GRID2: variants seen among roughly 807,000 people sequenced by gnomAD.
GRID2 encodes glutamate ionotropic receptor delta type subunit 2, also known as glutamate receptor ionotropic, delta-2.
In GRID2, 33 loss-of-function variants were observed where a neutral mutation model predicts 114.8. The observed-to-expected ratio is 0.29, with a 90% CI of 0.22 to 0.38. GRID2 has a LOEUF of 0.38. GRID2 is among the 10% of genes least tolerant of loss of function. The probability of loss-of-function intolerance (pLI) is 1.00; values close to 1 mark genes in which losing one functional copy is unlikely to be tolerated. For missense variants in GRID2, 1,184 were observed against 1,257.7 expected (o/e 0.94, Z 0.89); for synonymous variants, 505 against 449.9 (o/e 1.12, Z -1.55).
intron 2 of GRID2, among the ~76,000 whole-genome samples, chr4:92,917,409 G>C (rs1748897759): frequency 2.0e-5 from 3 of 152,080 alleles, no homozygotes; most frequent in Admixed American, 2.0e-4. Flanking sequence ...CATTGCTTTT[G>C]GTGTTCTAGA....
chr4:93,395,871 G>A (rs1223007170), intron 9 of GRID2, among the ~76,000 whole-genome samples, 163 bp downstream of exon 9: 2 of 151,666 alleles, frequency 1.3e-5, no homozygotes, highest in African/African-American at 4.8e-5. Flanking sequence ...TTCAATTTAC[G>A]TGGATCAGGA....
intron 10 of GRID2, among the ~76,000 whole-genome samples, chr4:93,427,586 G>C (rs1768978840): frequency 6.6e-6 from 1 of 151,954 alleles, no homozygotes; most frequent in Non-Finnish European, 1.5e-5. Context: ...TGGAAAGTGA[G>C]CTCTGAATTC....
chr4:92,555,335 G>C (rs1212765102), intron 1 of GRID2, among the ~76,000 whole-genome samples: 1 of 152,120 alleles, frequency 6.6e-6, no homozygotes, highest in East Asian at 1.9e-4. Flanking sequence ...ACTGTGAAGG[G>C]AGAAGAACAT....
intron 2 of GRID2, among the ~76,000 whole-genome samples, chr4:92,697,318 T>G (rs1346177158): frequency 1.3e-5 from 2 of 152,122 alleles, no homozygotes; most frequent in Non-Finnish European, 2.9e-5. Flanking sequence ...TGATGATACC[T>G]TCATACAAGC....
At chr4:92,468,869 C>A (rs1446973544) in intron 1 of GRID2, among the ~76,000 whole-genome samples, 1 of 152,104 alleles carries the variant, frequency 6.6e-6, no homozygotes, top group African/African-American at 2.4e-5. Flanking sequence ...ATTTAAAAGG[C>A]TGTTGAAGTA....
At chr4:92,756,142 A>G (rs1362601411) in intron 2 of GRID2, among the ~76,000 whole-genome samples, 17 of 151,682 alleles carry the variant, frequency 1.1e-4, no homozygotes, top group Admixed American at 1.1e-3. Flanking sequence ...TCTCCTCTCT[A>G]CCTCCATGAG....
chr4:93,355,728 C>T (rs1037764976), intron 8 of GRID2, among the ~76,000 whole-genome samples: 2 of 152,040 alleles, frequency 1.3e-5, no homozygotes, highest in Non-Finnish European at 2.9e-5. Flanking sequence ...GTAATTTTAT[C>T]AGTTTAAGAA....
At chr4:92,665,319 G>A (rs62309227) in intron 2 of GRID2, among the ~76,000 whole-genome samples, 9,079 of 149,202 alleles carry the variant, frequency 0.061, 330 homozygotes, top group East Asian at 0.16. Flanking sequence ...CTCCTTGGCA[G>A]CTTAGTTTCC....
chr4:93,000,998 A>G (rs544138215), intron 2 of GRID2, among the ~76,000 whole-genome samples: 2 of 151,776 alleles, frequency 1.3e-5, no homozygotes, highest in African/African-American at 4.8e-5. Flanking sequence ...AAGTAGATAA[A>G]TAAAATAAAT....
chr4:92,921,351 T>C (rs1044189556), intron 2 of GRID2, among the ~76,000 whole-genome samples: 1 of 152,162 alleles, frequency 6.6e-6, no homozygotes, highest in Non-Finnish European at 1.5e-5. Flanking sequence ...TCTCAACTCG[T>C]CAAAGTCATT....
chr4:93,110,445 G>A (rs1732656115), intron 3 of GRID2, among the ~76,000 whole-genome samples: 1 of 152,066 alleles, frequency 6.6e-6, no homozygotes. Flanking sequence ...CTAGAGAAAT[G>A]GGGCATCTCT....
rs1032538170 is a variant in GRID2, at chr4:92,460,053, T to TATATATAC, written c.89-130077_89-130076insTATATACA. Among the ~76,000 whole-genome samples the TATATATAC allele has an allele frequency of 1.6e-4, 16 of 99,750 alleles. 1 individual carries two copies. The highest frequency in any genetic ancestry group is 5.4e-3 in the Middle Eastern group (1 of 184). 65.4% of individuals were successfully genotyped at this position (99,750 alleles called of 152,430 possible). A position where few individuals can be genotyped will look rare whatever the true frequency, so the allele number is the denominator to read the frequency against. ...CTCACTATATATATATATATATATA[T>TATATATAC]ACACACACAACTTTTTGGTTCTGTT... On this transcript the variant is annotated intron_variant, in intron 1 of 15. Transcript: ENST00000282020.
chr4:93,703,833 A>T (rs1290988281), intron 14 of GRID2, among the ~76,000 whole-genome samples: 1 of 151,880 alleles, frequency 6.6e-6, no homozygotes, highest in Non-Finnish European at 1.5e-5. Context: ...GCTCATCCTT[A>T]TTTATGGCTG....
At chr4:93,479,066 C>A (rs1273528721) in intron 11 of GRID2, among the ~76,000 whole-genome samples, 1 of 151,948 alleles carries the variant, frequency 6.6e-6, no homozygotes, top group Non-Finnish European at 1.5e-5. Flanking sequence ...CACAGTAAAG[C>A]AAATATCCCA....
At chr4:92,648,508 A>T (rs1475883815) in intron 2 of GRID2, among the ~76,000 whole-genome samples, 2 of 149,716 alleles carry the variant, frequency 1.3e-5, no homozygotes, top group African/African-American at 2.5e-5. Flanking sequence ...TGTATCGAGC[A>T]TGGCTGTTAA....
chr4:93,394,619 A>C (rs954836946), intron 8 of GRID2, among the ~76,000 whole-genome samples: 1 of 151,914 alleles, frequency 6.6e-6, no homozygotes, highest in African/African-American at 2.4e-5. Flanking sequence ...ATTTGCCCCT[A>C]TGACCATTCA....
intron 13 of GRID2, among the ~76,000 whole-genome samples, chr4:93,605,012 G>C (rs1035588420): frequency 2.6e-5 from 4 of 152,110 alleles, no homozygotes; most frequent in African/African-American, 9.7e-5. Flanking sequence ...TATCTCTGAG[G>C]TATGCCTATA....
rs368296775 is a variant in GRID2, at chr4:92,997,166, A to G, written c.245-87829A>G. 2.0e-5 allele frequency among the ~76,000 whole-genome samples: 3 copies of G among 152,188 alleles called. No homozygotes were observed. The East Asian group carries it at 5.8e-4, about 29-fold the overall frequency. ...GGTGATACAGTAGGAGTTATGTGGC[A>G]ACATTTAGGCTTAACACTACCACAA... is the stretch of plus-strand genomic sequence containing the variant. On this transcript the variant is annotated intron_variant, in intron 2 of 15. Transcript: ENST00000282020.
intron 8 of GRID2, among the ~76,000 whole-genome samples, chr4:93,367,588 C>T (rs1013543206): frequency 1.8e-4 from 27 of 152,204 alleles, no homozygotes; most frequent in African/African-American, 6.3e-4. Context: ...GAAATTGTGC[C>T]AGACAAAGCT....
Sources: allele counts gnomAD v4.1 joint callset (sites outside exome capture counted in the v4.1 genomes callset), GRCh38; gene constraint gnomAD v4.1.1; transcripts MANE v1.5; gene names NCBI Gene and HGNC (gene_info 2026-07-23, HGNC 2026-07-21).